The following SLC13A5 variants were observed in gnomAD, a reference collection of about 807,000 sequenced individuals.
The protein encoded by SLC13A5 is Na(+)/citrate cotransporter.
SLC13A5 carries 25 observed loss-of-function variants against 56.5 expected under a neutral mutation model. The ratio of observed to expected loss-of-function variants is 0.44; its 90% CI spans 0.32 to 0.62. The LOEUF (loss-of-function observed/expected upper bound fraction) is 0.62, where lower values mean the gene tolerates loss of function less well. Among genes scored for constraint, SLC13A5 ranks in the 20% least tolerant of loss-of-function variants. The pLI, the probability that SLC13A5 is intolerant of heterozygous loss-of-function variation, is 0.04. For synonymous variants in SLC13A5, 307 were observed against 301.5 expected, an observed-to-expected ratio of 1.02 and a Z score of -0.19; for missense variants, 649 against 737.8, an observed-to-expected ratio of 0.88 and a Z score of 1.39.
chr17:6,691,686 A>G (rs189729200), intron 9 of SLC13A5, among the ~76,000 whole-genome samples: 1 of 152,162 alleles, frequency 6.6e-6, no homozygotes, highest in Non-Finnish European at 1.5e-5. Flanking sequence ...ACAGAGTCCA[A>G]AGTTCTGAGC....
rs758493873 is a variant in SLC13A5, at chr17:6,695,851, C to T, written c.930G>A (p.Gly310=). ...CGTTGATCTCCGCGAAGGACAAGGGCCCCAGCTTCCGGTACTCCTCCTGCA... is the reference window on the plus strand; with the variant it reads ...CGTTGATCTCCGCGAAGGACAAGGGTCCCAGCTTCCGGTACTCCTCCTGCA... The part of the protein sequence containing the change: ...KVLQEEYRKL[G]PLSFAEINVL... The change falls in exon 7 of 12, where the codon GGG becomes GGA. Residue 310 remains glycine (G), a synonymous_variant. Transcript: ENST00000433363. The T allele has an allele frequency of 6.2e-7, 1 of 1,614,138 alleles. No individual in the cohort carries two copies. Among genetic ancestry groups the T allele is most frequent in the East Asian group, 2.2e-5 (1 of 44,878 alleles).
In SLC13A5 at chr17:6,706,758, C is replaced by T; in HGVS notation, c.252G>A (p.Lys84=). The change falls in exon 3 of 12, where the codon AAG becomes AAA. Residue 84 remains lysine, a synonymous_variant. Coordinates refer to ENST00000433363, the MANE Select transcript of SLC13A5 (RefSeq NM_177550.5). ...DSRQVCVQYM[K]DTNMLFLGGL... ...CGCCCAGGAACAGCATGTTGGTGTC[C>T]TTCATGTACTGGACACACACCTGGA... 1 of 1,614,046 alleles carries T rather than the reference C, an allele frequency of 6.2e-7. No individual in the cohort carries two copies. The highest frequency in any genetic ancestry group is 8.5e-7 in the Non-Finnish European group (1 of 1,179,978).
intron 9 of SLC13A5, 53 bp from the exon 10 acceptor site, chr17:6,690,993 T>A: frequency 6.4e-7 from 1 of 1,557,390 alleles, no homozygotes; most frequent in Admixed American, 1.8e-5. Context: ...TGCAGTTCCT[T>A]CAGGGCCAGG....
chr17:6,711,709 G>A lies in SLC13A5; in HGVS notation c.102+1523C>T, dbSNP rs542733942. 1.1e-4 allele frequency among the ~76,000 whole-genome samples: 17 copies of A among 151,538 alleles called. No homozygotes were observed. The highest frequency in any genetic ancestry group is 2.1e-4 in the Non-Finnish European group (14 of 67,834). On this transcript the variant is annotated intron_variant, in intron 1 of 11. Transcript: ENST00000433363. The surrounding 1 kb of genome is among the most constrained non-coding windows in gnomAD (Gnocchi z 4.0). Reference sequence around the variant, plus strand: ...TGTGAGTGTGTGTGTGTGAGAGAGAGAGTGTGTATGTGTGTGTGTGTGAGT... The same window carrying A: ...TGTGAGTGTGTGTGTGTGAGAGAGAAAGTGTGTATGTGTGTGTGTGTGAGT...
At position 6,711,550 on chromosome 17, in the gene SLC13A5, GTGTT is replaced by G. The variant is rs1450756324; in HGVS notation, c.102+1678_102+1681del. ...TGTGTTTTTTGTGTGTTTTGTGTGT[GTGTT>G]TGTGTGTGTGTTTGTGTGTCTGTGT... On this transcript the variant is annotated intron_variant, in intron 1 of 11. Coordinates refer to ENST00000433363, the MANE Select transcript of SLC13A5 (RefSeq NM_177550.5). This position sits in a 1 kb window ranked among gnomAD's most constrained non-coding sequence, Gnocchi z 4.0. Among the ~76,000 whole-genome samples, 6 of 109,776 alleles carry G rather than the reference GTGTT, an allele frequency of 5.5e-5. No individual in the cohort carries two copies. Among genetic ancestry groups the G allele is most frequent in the Non-Finnish European group, 1.0e-4 (5 of 49,952 alleles). 72.0% of individuals were successfully genotyped at this position (109,776 alleles called of 152,430 possible).
chr17:6,706,903 G>T, intron 2 of SLC13A5, 125 bp from the exon 3 acceptor site: 1 of 1,556,224 alleles, frequency 6.4e-7, no homozygotes, highest in Non-Finnish European at 8.7e-7. Context: ...GTGTCTCCCT[G>T]CCAGGGAGAA....
chr17:6,695,452 C>G, intron 7 of SLC13A5: 1 of 345,756 alleles, frequency 2.9e-6, no homozygotes, highest in Non-Finnish European at 5.4e-6. Flanking sequence ...TGCAGTGGCA[C>G]GATCTGGGCT....
Position 6,711,695 on chromosome 17 carries a change from G to T in SLC13A5, c.102+1537C>A, listed in dbSNP as rs572939822. The stretch of plus-strand genomic sequence containing the variant: ...TGTCTGTGTGTGTTTGTGAGTGTGT[G>T]TGTGTGAGAGAGAGAGTGTGTATGT... On this transcript the variant is annotated intron_variant, in intron 1 of 11. Coordinates refer to ENST00000433363, the MANE Select transcript of SLC13A5 (RefSeq NM_177550.5). The surrounding 1 kb of genome is among the most constrained non-coding windows in gnomAD (Gnocchi z 4.0). 1.7e-4 allele frequency among the ~76,000 whole-genome samples: 26 copies of T among 151,816 alleles called. No individual in the cohort carries two copies. In the South Asian group the frequency reaches 3.1e-3, roughly 18 times the overall value.
rs1294211548 is a variant in SLC13A5, at chr17:6,711,804, C to A, written c.102+1428G>T. ...TCCAGGGAACATCACTCCCTACCAGCAGAGCTGAAATCGCAGCTCTCCTGC... is the reference window on the plus strand; with the variant it reads ...TCCAGGGAACATCACTCCCTACCAGAAGAGCTGAAATCGCAGCTCTCCTGC... On this transcript the variant is annotated intron_variant, in intron 1 of 11. Transcript: ENST00000433363. The surrounding 1 kb of genome is among the most constrained non-coding windows in gnomAD (Gnocchi z 4.0). Among the ~76,000 whole-genome samples, 1 of 152,076 alleles carries A rather than the reference C, an allele frequency of 6.6e-6. No homozygotes were observed. Among genetic ancestry groups the A allele is most frequent in the East Asian group, 1.9e-4 (1 of 5,180 alleles).
intron 8 of SLC13A5, among the ~76,000 whole-genome samples, chr17:6,693,804 A>G (rs1464727216): frequency 6.6e-6 from 1 of 152,258 alleles, no homozygotes; most frequent in Non-Finnish European, 1.5e-5. Context: ...AGAGAAAACA[A>G]AAAATTGTGC....
In SLC13A5 at chr17:6,686,229, T is replaced by A; in HGVS notation, c.1685A>T (p.Asn562Ile). Residue 562 changes from asparagine to isoleucine, a missense_variant, in exon 12 of 12, where the codon AAT becomes ATT. Physicochemically the swap from Asn to Ile is moderately radical, Grantham distance 149 (BLOSUM62 -3). Coordinates refer to ENST00000433363, the MANE Select transcript of SLC13A5 (RefSeq NM_177550.5). ...TTCCTAAGTCTCAATATGTGTCACATTAGCCCAGTCAGGGAAATGATCCAA... is the reference window on the plus strand; with the variant it reads ...TTCCTAAGTCTCAATATGTGTCACAATAGCCCAGTCAGGGAAATGATCCAA... ...FDLDHFPDWA[N>I]VTHIET 6.2e-7 allele frequency: 1 copy of A among 1,614,168 alleles called. No homozygotes were observed. Among genetic ancestry groups the A allele is most frequent in the Non-Finnish European group, 8.5e-7 (1 of 1,180,014 alleles).
Position 6,690,774 on chromosome 17 carries a change from CT to C in SLC13A5, c.1437+4del. 1 of 1,614,198 alleles carries C rather than the reference CT, an allele frequency of 6.2e-7. No homozygotes were observed. The highest frequency in any genetic ancestry group is 8.5e-7 in the Non-Finnish European group (1 of 1,180,034). On this transcript the variant is annotated splice_donor_region_variant and intron_variant, in intron 10 of 11. Transcript: ENST00000433363. ...AGGGCTCCTCCCCACTGTCAGGTTA[CT>C]TACCATGGAGGCAAAGATGGGCAGG...
rs1974026350 is a variant in SLC13A5 at position 6,711,529 on chromosome 17, T to G, written c.102+1703A>C. ...GTGTATGTGTATGTGTGTGTTTGTG[T>G]TTTTTGTGTGTTTTGTGTGTGTGTT... On this transcript the variant is annotated intron_variant, in intron 1 of 11. Transcript: ENST00000433363. This position sits in a 1 kb window ranked among gnomAD's most constrained non-coding sequence, Gnocchi z 4.0. 6.7e-6 allele frequency among the ~76,000 whole-genome samples: 1 copy of G among 150,102 alleles called. No individual in the cohort carries two copies. Among genetic ancestry groups the G allele is most frequent in the Non-Finnish European group, 1.5e-5 (1 of 67,408 alleles).
At chr17:6,706,439 CT>C (rs1973865185) in intron 3 of SLC13A5, among the ~76,000 whole-genome samples, 1 of 152,236 alleles carries the variant, frequency 6.6e-6, no homozygotes, top group African/African-American at 2.4e-5. Context: ...AGGACCCTTA[CT>C]TACTGCTGCT....
intron 1 of SLC13A5, among the ~76,000 whole-genome samples, chr17:6,708,775 CAT>C: frequency 6.6e-6 from 1 of 152,206 alleles, no homozygotes; most frequent in Non-Finnish European, 1.5e-5. Context: ...GATGCCATCC[CAT>C]TGCAGAATGC....
At chr17:6,702,906 G>A (rs1973751286) in intron 5 of SLC13A5, 64 bp downstream of exon 5, 1 of 1,571,212 alleles carries the variant, frequency 6.4e-7, no homozygotes, top group African/African-American at 1.3e-5. Context: ...AGAGAGAGGT[G>A]GGCAGGTCCC....
rs1555541188 is a variant in SLC13A5, at chr17:6,692,274, T to TGGATGGAC, written c.1275+769_1275+770insGTCCATCC. Among the ~76,000 whole-genome samples the TGGATGGAC allele has an allele frequency of 1.3e-5, 2 of 149,216 alleles. No homozygotes were observed. Among genetic ancestry groups the TGGATGGAC allele is most frequent in the Admixed American group, 6.7e-5 (1 of 15,022 alleles). ...ATGGATGGATGGATGGATGGATGGA[T>TGGATGGAC]GGACGGATGGACGGACGGATGGATG... On this transcript the variant is annotated intron_variant, in intron 9 of 11. Transcript: ENST00000433363. The surrounding 1 kb of genome is among the most constrained non-coding windows in gnomAD (Gnocchi z 5.5).
At chr17:6,690,074 A>AAAAAAAAC (rs1973360357) in intron 10 of SLC13A5, 1 of 109,698 alleles carries the variant, frequency 9.1e-6, no homozygotes, top group Non-Finnish European at 1.9e-5. Flanking sequence ...AAAAAAAAAA[A>AAAAAAAAC]AAAAAAAAAA....
chr17:6,706,026 GC>G (rs1973854702), intron 3 of SLC13A5, among the ~76,000 whole-genome samples: 1 of 152,168 alleles, frequency 6.6e-6, no homozygotes, highest in Non-Finnish European at 1.5e-5. Flanking sequence ...CTGGTATCAT[GC>G]CTGGGGCCTT....
Sources: allele counts gnomAD v4.1 joint callset (sites outside exome capture counted in the v4.1 genomes callset), GRCh38; gene constraint gnomAD v4.1.1; non-coding constraint Gnocchi (gnomAD v3.1); transcripts MANE v1.5; gene names NCBI Gene and HGNC (gene_info 2026-07-23, HGNC 2026-07-21).